SNX9: variants seen among roughly 807,000 people sequenced by gnomAD.
The protein encoded by SNX9 is sorting nexin-9.
In SNX9, 44 loss-of-function variants were observed where a neutral mutation model predicts 89.4. That is an observed-to-expected ratio of 0.49 (90% CI 0.39 to 0.63). The LOEUF (loss-of-function observed/expected upper bound fraction) is 0.63, where lower values mean the gene tolerates loss of function less well. Among genes scored for constraint, SNX9 ranks in the 30% least tolerant of loss-of-function variants. The pLI is 0.00. For missense variants in SNX9, 578 were observed against 736.1 expected (o/e 0.79, Z 2.49); for synonymous variants, 236 against 247.8 (o/e 0.95, Z 0.45).
intron 1 of SNX9, among the ~76,000 whole-genome samples, chr6:157,825,678 GA>G (rs1481766374): frequency 1.3e-5 from 2 of 152,084 alleles, no homozygotes; most frequent in African/African-American, 2.4e-5. Flanking sequence ...TCCATTTTAA[GA>G]AAAAGAAGAG....
intron 1 of SNX9, among the ~76,000 whole-genome samples, chr6:157,855,227 A>C (rs1318862300): frequency 2.0e-5 from 3 of 152,156 alleles, no homozygotes; most frequent in African/African-American, 4.8e-5. Context: ...AAAGTAAGCA[A>C]ATCTTGTTCT....
At chr6:157,848,679 A>G (rs1562593426) in intron 1 of SNX9, among the ~76,000 whole-genome samples, 1 of 152,230 alleles carries the variant, frequency 6.6e-6, no homozygotes, top group Non-Finnish European at 1.5e-5. Context: ...GCTACCTGGT[A>G]AATGGCTGTG....
chr6:157,847,214 T>C (rs1781822702), intron 1 of SNX9, among the ~76,000 whole-genome samples: 1 of 152,124 alleles, frequency 6.6e-6, no homozygotes, highest in Non-Finnish European at 1.5e-5. Flanking sequence ...GTGATCCTCC[T>C]ACCTCAGCCT....
intron 4 of SNX9, among the ~76,000 whole-genome samples, chr6:157,876,489 ATAAGTT>A (rs1782524677): frequency 6.6e-6 from 1 of 152,244 alleles, no homozygotes. Flanking sequence ...GTGAGTTTAT[ATAAGTT>A]TATCACCATA....
intron 4 of SNX9, among the ~76,000 whole-genome samples, chr6:157,879,266 G>T (rs1782579718): frequency 6.6e-6 from 1 of 152,238 alleles, no homozygotes; most frequent in Non-Finnish European, 1.5e-5. Flanking sequence ...GTCAGCAGGG[G>T]ACTGATCAGA....
chr6:157,928,822 T>A, intron 12 of SNX9, 120 bp downstream of exon 12: 1 of 691,912 alleles, frequency 1.4e-6, no homozygotes, highest in Non-Finnish European at 2.2e-6. Context: ...TGGACGGCAG[T>A]AATGTCCCTC....
At chr6:157,937,631 T>C in intron 15 of SNX9, 108 bp downstream of exon 15, 3 of 723,968 alleles carry the variant, frequency 4.1e-6, no homozygotes, top group East Asian at 2.8e-5. Context: ...AGAAACAATC[T>C]ATAATTCCCA....
At chr6:157,901,280 C>T (rs1783092769) in intron 5 of SNX9, among the ~76,000 whole-genome samples, 1 of 152,206 alleles carries the variant, frequency 6.6e-6, no homozygotes, top group African/African-American at 2.4e-5. Context: ...CTCCCTACAC[C>T]AGCCCATAGG....
chr6:157,913,239 A>G (rs2115182945), intron 9 of SNX9, among the ~76,000 whole-genome samples: 1 of 152,218 alleles, frequency 6.6e-6, no homozygotes, highest in African/African-American at 2.4e-5. Context: ...GTTCTGTTCA[A>G]GTCCACTTTT....
chr6:157,931,135 C>T (rs918579543), intron 12 of SNX9, among the ~76,000 whole-genome samples: 2 of 152,210 alleles, frequency 1.3e-5, no homozygotes, highest in African/African-American at 4.8e-5. Context: ...TCCTGTTTCT[C>T]AAAGTAGTTC....
chr6:157,830,403 G>A (rs1781458315), intron 1 of SNX9: 1 of 152,218 alleles, frequency 6.6e-6, no homozygotes, highest in Non-Finnish European at 1.5e-5. Context: ...TTGCTGCTGG[G>A]AAGCCAGTTA....
chr6:157,853,744 A>G (rs191627718), intron 1 of SNX9, among the ~76,000 whole-genome samples: 177 of 152,262 alleles, frequency 1.2e-3, no homozygotes, highest in African/African-American at 3.2e-3. Flanking sequence ...GAAAGAGGAA[A>G]TAGTTATGCC....
intron 5 of SNX9, among the ~76,000 whole-genome samples, chr6:157,898,924 C>T (rs1380741155): frequency 6.6e-6 from 1 of 152,206 alleles, no homozygotes; most frequent in Admixed American, 6.5e-5. Flanking sequence ...TGGGGTCTGG[C>T]TCTCTGGTCA....
chr6:157,896,233 G>A (rs935705818), intron 4 of SNX9, among the ~76,000 whole-genome samples: 4 of 152,090 alleles, frequency 2.6e-5, no homozygotes, highest in African/African-American at 7.2e-5. Flanking sequence ...GATGTTAGGC[G>A]TATTTCTCAA....
Position 157,921,547 on chromosome 6 carries a change from A to G in SNX9, c.966A>G (p.Glu322=). ...DKQVTGRFEE[E]FIKMRMERLQ... ...CGCTTGCAGGCCGCTTTGAAGAGGA[A>G]TTTATCAAAATGCGCATGGAGAGAC... The change falls in exon 10 of 18, where the codon GAA becomes GAG. Residue 322 remains glutamate (E), a synonymous_variant. Transcript: ENST00000392185. 6.2e-7 allele frequency: 1 copy of G among 1,613,700 alleles called. No homozygotes were observed. Among genetic ancestry groups the G allele is most frequent in the Non-Finnish European group, 8.5e-7 (1 of 1,179,728 alleles).
At chr6:157,897,022 C>T (rs1782992282) in intron 5 of SNX9, 24 bp downstream of exon 5, 2 of 1,550,566 alleles carry the variant, frequency 1.3e-6, no homozygotes, top group Non-Finnish European at 8.7e-7. Flanking sequence ...TGCAAGGTCC[C>T]ACCCTGCCCG....
chr6:157,905,066 T>G (rs914715462), intron 6 of SNX9, among the ~76,000 whole-genome samples: 1 of 152,248 alleles, frequency 6.6e-6, no homozygotes, highest in Non-Finnish European at 1.5e-5. Flanking sequence ...GGTCTCATTC[T>G]TCCACAAGGA....
intron 1 of SNX9, among the ~76,000 whole-genome samples, chr6:157,857,869 C>T (rs1782043233): frequency 6.6e-6 from 1 of 152,096 alleles, no homozygotes; most frequent in Non-Finnish European, 1.5e-5. Context: ...TATTGTATAA[C>T]AAACTACCCC....
chr6:157,895,203 T>G (rs1782953961), intron 4 of SNX9, among the ~76,000 whole-genome samples: 2 of 152,240 alleles, frequency 1.3e-5, no homozygotes, highest in Admixed American at 6.5e-5. Flanking sequence ...GGACACAGTT[T>G]GTGCACAGCC....
Sources: gnomAD v4.1 joint callset for allele counts (sites outside exome capture counted in the v4.1 genomes callset) on GRCh38, gnomAD v4.1.1 for gene constraint, MANE v1.5 for transcripts, NCBI Gene and HGNC (gene_info 2026-07-23, HGNC 2026-07-21) for gene names.